Variants in PPP1R21 observed in about 807,000 individuals in gnomAD.
PPP1R21 encodes the protein KLRAQ motif containing 1.
PPP1R21 carries 85 observed loss-of-function variants against 112.8 expected under a neutral mutation model. The observed-to-expected ratio is 0.75, with a 90% CI of 0.63 to 0.90. The LOEUF (loss-of-function observed/expected upper bound fraction) is 0.90. Among genes scored for constraint, PPP1R21 ranks in the 40% least tolerant of loss-of-function variants. The pLI is 0.00. For synonymous variants in PPP1R21, 381 were observed against 322.3 expected, an observed-to-expected ratio of 1.18 and a Z score of -1.95; for missense variants, 1,199 against 901.5, an observed-to-expected ratio of 1.33 and a Z score of -4.23.
rs1670562091 is a variant in PPP1R21 at position 48,510,024 on chromosome 2, C to T, written c.2095C>T (p.Leu699=). 2.5e-6 allele frequency: 4 copies of T among 1,612,442 alleles called. No homozygotes were observed. The highest frequency in any genetic ancestry group is 1.3e-5 in the African/African-American group (1 of 74,900). The change falls in exon 20 of 22, where the codon CTG becomes TTG. Residue 699 remains leucine (L), a synonymous_variant. Coordinates refer to ENST00000294952, the MANE Select transcript of PPP1R21 (RefSeq NM_001135629.3). ...SVHFYAECRA[L]SKRLALAEKS... is the part of the protein sequence containing the mutation. ...TTTTCTGATTTTACAGTGCCGAGCA[C>T]TGTCTAAAAGACTGGCCTTGGCTGA...
At chr2:48,481,931 C>G (rs1291383835) in intron 13 of PPP1R21, among the ~76,000 whole-genome samples, 1 of 152,040 alleles carries the variant, frequency 6.6e-6, no homozygotes, top group Non-Finnish European at 1.5e-5. Flanking sequence ...TTAAAAGTAT[C>G]GTACAAAATT....
chr2:48,471,226 G>A (rs747123486), intron 10 of PPP1R21, 38 bp downstream of exon 10: 5 of 1,604,582 alleles, frequency 3.1e-6, no homozygotes, highest in Non-Finnish European at 4.3e-6. Context: ...GAAACTGGGA[G>A]CTCCTCTTTG....
chr2:48,456,788 C>T (rs112948950), intron 3 of PPP1R21, among the ~76,000 whole-genome samples: 5,040 of 152,290 alleles, frequency 0.033, 110 homozygotes, highest in South Asian at 0.061. Context: ...CACAGTGGCT[C>T]ACGCCTGTAA....
intron 17 of PPP1R21, among the ~76,000 whole-genome samples, chr2:48,504,358 A>G (rs573399705): frequency 3.3e-5 from 5 of 152,222 alleles, no homozygotes; most frequent in East Asian, 1.9e-4. Flanking sequence ...AAAACTGTCT[A>G]TTGACTGGGT....
intron 1 of PPP1R21, among the ~76,000 whole-genome samples, chr2:48,447,865 G>T (rs1258735448): frequency 6.6e-6 from 1 of 152,036 alleles, no homozygotes. Context: ...CAGGAGAATC[G>T]CTTGAACCCG....
intron 1 of PPP1R21, chr2:48,441,242 G>C (rs940590525): frequency 6.9e-6 from 4 of 581,864 alleles, no homozygotes; most frequent in African/African-American, 1.9e-5. Flanking sequence ...GCTGGAGTTT[G>C]ATTCTTCCTT....
In PPP1R21 at chr2:48,451,132, A is replaced by G. The variant is rs748339764; in HGVS notation, c.126+56A>G. 9 of 1,429,046 alleles carry G rather than the reference A, an allele frequency of 6.3e-6. No individual in the cohort carries two copies. The East Asian group carries it at 1.1e-4, about 18-fold the overall frequency. The allele number at this position is 1,429,046 out of a possible 1,614,324, so 88.5% of individuals were successfully genotyped here. A position where few individuals can be genotyped will look rare whatever the true frequency, so the allele number is the denominator to read the frequency against. The stretch of plus-strand genomic sequence containing the variant: ...TTAAGTTAGCATTTGGTGTTGCTCA[A>G]AGCAGGTTCATTGGGTTTTCTGGGT... On this transcript the variant is annotated intron_variant, in intron 2 of 21. Coordinates refer to ENST00000294952, the MANE Select transcript of PPP1R21 (RefSeq NM_001135629.3).
At chr2:48,501,352 G>A (rs1384836314) in intron 17 of PPP1R21, among the ~76,000 whole-genome samples, 1 of 152,136 alleles carries the variant, frequency 6.6e-6, no homozygotes, top group Non-Finnish European at 1.5e-5. Flanking sequence ...TAGAGTTGGT[G>A]GTGGCCAGAC....
intron 21 of PPP1R21, among the ~76,000 whole-genome samples, chr2:48,512,524 G>T (rs778838848): frequency 1.4e-5 from 2 of 147,310 alleles, no homozygotes; most frequent in Non-Finnish European, 2.9e-5. Flanking sequence ...GGGAGAAATA[G>T]AGATGAAGAA....
chr2:48,475,856 A>AG (rs2103870486), intron 12 of PPP1R21, among the ~76,000 whole-genome samples: 1 of 152,280 alleles, frequency 6.6e-6, no homozygotes, highest in East Asian at 1.9e-4. Flanking sequence ...AAAAAAAAAA[A>AG]AGTATTTTTG....
chr2:48,472,253 A>T (rs1480873763), intron 11 of PPP1R21, among the ~76,000 whole-genome samples: 1 of 148,870 alleles, frequency 6.7e-6, no homozygotes, highest in African/African-American at 2.5e-5. Context: ...AAAAAAAAAA[A>T]AAAAAAAAAA....
At chr2:48,477,892 G>T (rs1487526758) in intron 12 of PPP1R21, among the ~76,000 whole-genome samples, 2 of 152,162 alleles carry the variant, frequency 1.3e-5, no homozygotes, top group Non-Finnish European at 2.9e-5. Flanking sequence ...GTGATCTCCT[G>T]TGGAGATGGG....
rs149984716 is a variant in PPP1R21 at position 48,505,521 on chromosome 2, T to C, written c.1936-43T>C. On this transcript the variant is annotated intron_variant, in intron 17 of 21. Coordinates refer to ENST00000294952, the MANE Select transcript of PPP1R21 (RefSeq NM_001135629.3). ...AGCGTTTGATCTATTGTGCTTGAAA[T>C]GTACACATTCTGTTCTAAAAGATTT... The C allele has an allele frequency of 1.8e-4, 263 of 1,439,700 alleles. No individual in the cohort carries two copies. The African/African-American group carries it at 3.1e-3, about 17-fold the overall frequency. The allele number at this position is 1,439,700 out of a possible 1,614,324, so 89.2% of individuals were successfully genotyped here. A position where few individuals can be genotyped will look rare whatever the true frequency, so the allele number is the denominator to read the frequency against.
intron 19 of PPP1R21, among the ~76,000 whole-genome samples, chr2:48,507,749 C>CTTT (rs34546075): frequency 0.037 from 1,570 of 42,352 alleles, 404 homozygotes; most frequent in African/African-American, 0.056. Context: ...GAGGCTCTGC[C>CTTT]TTTTTTTTTT....
At chr2:48,457,915 T>G in intron 3 of PPP1R21, 2 of 495,416 alleles carry the variant, frequency 4.0e-6, no homozygotes, top group Non-Finnish European at 7.8e-6. Flanking sequence ...TCTCTCTTTT[T>G]AAAGCTTTCC....
At chr2:48,451,153 TG>T (rs1179394356) in intron 2 of PPP1R21, 77 bp downstream of exon 2, 2 of 1,153,086 alleles carry the variant, frequency 1.7e-6, no homozygotes, top group African/African-American at 1.5e-5. Flanking sequence ...TTGGGTTTTC[TG>T]GGTTAAAGTT....
At chr2:48,506,454 A>G (rs1670381409) in intron 18 of PPP1R21, among the ~76,000 whole-genome samples, 1 of 152,216 alleles carries the variant, frequency 6.6e-6, no homozygotes, top group Non-Finnish European at 1.5e-5. Flanking sequence ...ACCACTCAGT[A>G]TGGCAAACTG....
chr2:48,475,760 T>C (rs1342760386), intron 12 of PPP1R21, among the ~76,000 whole-genome samples: 3 of 151,900 alleles, frequency 2.0e-5, no homozygotes, highest in African/African-American at 7.3e-5. Context: ...GGCAGGAGAA[T>C]CGCGTGAGCC....
At chr2:48,510,535 C>T (rs1670591530) in intron 20 of PPP1R21, among the ~76,000 whole-genome samples, 2 of 152,174 alleles carry the variant, frequency 1.3e-5, no homozygotes, top group South Asian at 2.1e-4. Flanking sequence ...TCTTTGTTTT[C>T]AGAAAGCCTC....
Sources: allele counts gnomAD v4.1 joint callset (sites outside exome capture counted in the v4.1 genomes callset), GRCh38; gene constraint gnomAD v4.1.1; transcripts MANE v1.5; gene names NCBI Gene and HGNC (gene_info 2026-07-23, HGNC 2026-07-21).